The following SHC3 variants were observed in gnomAD, a reference collection of about 807,000 sequenced individuals.
The protein encoded by SHC3 is SHC-transforming protein 3.
In SHC3, 15 loss-of-function variants were observed where a neutral mutation model predicts 60.4. The ratio of observed to expected loss-of-function variants is 0.25; its 90% CI spans 0.17 to 0.38. The LOEUF (loss-of-function observed/expected upper bound fraction) is 0.38. Ranked by LOEUF, SHC3 falls within the 10% of genes least tolerant of loss-of-function variation. SHC3 has a pLI of 1.00. For missense variants in SHC3, 677 were observed against 786.1 expected, an observed-to-expected ratio of 0.86 and a Z score of 1.66; for synonymous variants, 294 against 325.9, an observed-to-expected ratio of 0.90 and a Z score of 1.05.
chr9:89,026,115 C>T (rs560225557), intron 11 of SHC3, among the ~76,000 whole-genome samples: 38 of 152,068 alleles, frequency 2.5e-4, no homozygotes, highest in African/African-American at 6.8e-4. Flanking sequence ...ATTAGCTGGG[C>T]GTGGTGGTGC....
At chr9:89,044,578 G>C (rs1824741516) in intron 9 of SHC3, among the ~76,000 whole-genome samples, 2 of 152,206 alleles carry the variant, frequency 1.3e-5, no homozygotes, top group African/African-American at 2.4e-5. Context: ...CCCAGAGCTA[G>C]TGAAAGAGTT....
intron 2 of SHC3, among the ~76,000 whole-genome samples, chr9:89,110,971 T>TA (rs1825939118): frequency 6.6e-6 from 1 of 152,176 alleles, no homozygotes; most frequent in African/African-American, 2.4e-5. Flanking sequence ...GAGCAAACTG[T>TA]AATTATTCAC....
chr9:89,145,058 T>G (rs2118200218), intron 1 of SHC3, among the ~76,000 whole-genome samples: 1 of 152,314 alleles, frequency 6.6e-6, no homozygotes, highest in African/African-American at 2.4e-5. Context: ...CCGGATGATG[T>G]TGGCAGTCTG....
chr9:89,120,146 A>G (rs1826072965), intron 1 of SHC3, among the ~76,000 whole-genome samples: 1 of 152,216 alleles, frequency 6.6e-6, no homozygotes, highest in South Asian at 2.1e-4. Context: ...CAAACCTAAG[A>G]AACAAGATAT....
chr9:89,145,036 C>T (rs971767612), intron 1 of SHC3, among the ~76,000 whole-genome samples: 4 of 152,016 alleles, frequency 2.6e-5, no homozygotes, highest in Admixed American at 6.6e-5. Flanking sequence ...ATTTAAAAAT[C>T]GACTGAAGGT....
chr9:89,110,217 T>C (rs1825925766), intron 2 of SHC3: 3 of 985,318 alleles, frequency 3.0e-6, no homozygotes, highest in Admixed American at 1.2e-4. Context: ...CATTTGTGTA[T>C]ACAAAGTGAA....
In SHC3 at chr9:89,035,863, GTGT is replaced by G. The variant is rs1183329579; in HGVS notation, c.1656+2127_1656+2129del. On this transcript the variant is annotated intron_variant, in intron 11 of 11. Coordinates refer to ENST00000375835, the MANE Select transcript of SHC3 (RefSeq NM_016848.6). ...TATATATATATAGATGTGTGTGTGT[GTGT>G]GTGTGTGTGTGTGTGTGTGTGTGTA... is the stretch of plus-strand genomic sequence containing the variant. Among the ~76,000 whole-genome samples the G allele has an allele frequency of 5.1e-5, 6 of 116,774 alleles. No individual in the cohort carries two copies. In the South Asian group the frequency reaches 1.3e-3, roughly 25 times the overall value. The allele number at this position is 116,774 out of a possible 152,430, so 76.6% of individuals were successfully genotyped here. A position where few individuals can be genotyped will look rare whatever the true frequency, so the allele number is the denominator to read the frequency against.
Position 89,005,934 on chromosome 9 carries a change from C to A in SHC3, c.*7513G>T, listed in dbSNP as rs1352690217. On this transcript the variant is annotated 3_prime_UTR_variant, in exon 12 of 12. Transcript: ENST00000375835. Reference sequence around the variant, plus strand: ...ACAAGGTGCATTTTATAGAAAACATCTAATTAAATCACCAGTTTCATGCTT... The same window carrying A: ...ACAAGGTGCATTTTATAGAAAACATATAATTAAATCACCAGTTTCATGCTT... 1.3e-5 allele frequency: 2 copies of A among 151,634 alleles called. No individual in the cohort carries two copies. Among genetic ancestry groups the A allele is most frequent in the African/African-American group, 4.9e-5 (2 of 40,922 alleles). 9.4% of individuals were successfully genotyped at this position (151,634 alleles called of 1,614,324 possible). A position where few individuals can be genotyped will look rare whatever the true frequency, so the allele number is the denominator to read the frequency against.
intron 2 of SHC3, among the ~76,000 whole-genome samples, chr9:89,095,953 C>T (rs1215733209): frequency 6.6e-6 from 1 of 152,104 alleles, no homozygotes; most frequent in Non-Finnish European, 1.5e-5. Context: ...GTGGGACACC[C>T]GAGGCAGCAT....
rs1824478081 is a variant in SHC3 at position 89,030,987 on chromosome 9, T to A, written c.1656+7006A>T. Among the ~76,000 whole-genome samples, 4 of 152,146 alleles carry A rather than the reference T, an allele frequency of 2.6e-5. No homozygotes were observed. In the South Asian group the frequency reaches 8.3e-4, roughly 32 times the overall value. ...GAGCAGTTGTATGATCATAGCTCAC[T>A]ACAGCCTTGAACTCTGCCTCAGCCT... On this transcript the variant is annotated intron_variant, in intron 11 of 11. Transcript: ENST00000375835.
chr9:89,027,355 T>C (rs1310422925), intron 11 of SHC3, among the ~76,000 whole-genome samples: 2 of 124,772 alleles, frequency 1.6e-5, no homozygotes, highest in Non-Finnish European at 1.6e-5. Flanking sequence ...TGAGTCTCGC[T>C]GTCGCCCAGG....
intron 1 of SHC3, among the ~76,000 whole-genome samples, chr9:89,168,408 G>T (rs1399702582): frequency 1.3e-5 from 2 of 151,984 alleles, no homozygotes; most frequent in Non-Finnish European, 2.9e-5. Flanking sequence ...AGGTTGCTGT[G>T]AGCCGAGATT....
At chr9:89,054,708 A>C (rs1284906705) in intron 6 of SHC3, among the ~76,000 whole-genome samples, 2 of 152,252 alleles carry the variant, frequency 1.3e-5, no homozygotes, top group Admixed American at 1.3e-4. Context: ...TCGTGCACAG[A>C]ATCGAGATTC....
intron 6 of SHC3, among the ~76,000 whole-genome samples, chr9:89,060,798 T>C (rs1242046962): frequency 1.3e-5 from 2 of 152,010 alleles, no homozygotes; most frequent in Non-Finnish European, 2.9e-5. Context: ...TGATTAATTA[T>C]GGAGCCTGTC....
chr9:89,025,052 T>TAAA (rs1178265676), intron 11 of SHC3, among the ~76,000 whole-genome samples: 1 of 152,178 alleles, frequency 6.6e-6, no homozygotes. Context: ...AAATACTGGT[T>TAAA]AAAATTTTTC....
chr9:89,046,967 C>T lies in SHC3; in HGVS notation c.990G>A (p.Thr330=), dbSNP rs749185856. 12 of 1,604,444 alleles carry T rather than the reference C, an allele frequency of 7.5e-6. No homozygotes were observed. The highest frequency in any genetic ancestry group is 5.4e-5 in the African/African-American group (4 of 74,686). ...DRMQSLDEPW[T]EEEGDGSDHP... Reference sequence around the variant, plus strand: ...GGTCTGAGCCATCTCCCTCCTCTTCCGTCCATGGCTCATCCAGACTCTGCA... The same window carrying T: ...GGTCTGAGCCATCTCCCTCCTCTTCTGTCCATGGCTCATCCAGACTCTGCA... The change falls in exon 8 of 12, where the codon ACG becomes ACA. Residue 330 remains threonine, a synonymous_variant. Coordinates refer to ENST00000375835, the MANE Select transcript of SHC3 (RefSeq NM_016848.6).
chr9:89,096,441 T>C (rs1825702171), intron 2 of SHC3, among the ~76,000 whole-genome samples: 1 of 152,178 alleles, frequency 6.6e-6, no homozygotes. Context: ...GTGATAATAT[T>C]CATATATGCA....
chr9:89,167,781 T>G (rs545863997), intron 1 of SHC3, among the ~76,000 whole-genome samples: 2 of 152,358 alleles, frequency 1.3e-5, no homozygotes, highest in Admixed American at 1.3e-4. Context: ...TATTATTGTT[T>G]GCAAATTAGG....
intron 7 of SHC3, among the ~76,000 whole-genome samples, chr9:89,049,222 C>A (rs533199248): frequency 6.6e-6 from 1 of 152,318 alleles, no homozygotes; most frequent in African/African-American, 2.4e-5. Flanking sequence ...GATCGCGCCA[C>A]TGCACTCCAG....
Sources: gnomAD v4.1 joint callset for allele counts (sites outside exome capture counted in the v4.1 genomes callset) on GRCh38, gnomAD v4.1.1 for gene constraint, MANE v1.5 for transcripts, NCBI Gene and HGNC (gene_info 2026-07-23, HGNC 2026-07-21) for gene names.